The following ANKS6 variants were observed in gnomAD, a reference collection of about 807,000 sequenced individuals.
ANKS6 encodes ankyrin repeat and sterile alpha motif domain containing 6, also known as ankyrin repeat and SAM domain-containing protein 6.
In ANKS6, 47 loss-of-function variants were observed where a neutral mutation model predicts 77.9. The ratio of observed to expected loss-of-function variants is 0.60; its 90% CI spans 0.48 to 0.77. ANKS6 has a LOEUF of 0.77. ANKS6 is among the 30% of genes least tolerant of loss of function. The probability of loss-of-function intolerance (pLI) is 0.00; values close to 1 mark genes in which losing one functional copy is unlikely to be tolerated. For missense variants in ANKS6, 1,150 were observed against 1,159.1 expected, an observed-to-expected ratio of 0.99 and a Z score of 0.11; for synonymous variants, 488 against 501.7, an observed-to-expected ratio of 0.97 and a Z score of 0.37.
chr9:98,792,780 A>G (rs987466474), intron 1 of ANKS6, among the ~76,000 whole-genome samples: 1 of 152,232 alleles, frequency 6.6e-6, no homozygotes, highest in African/African-American at 2.4e-5. Context: ...TTTGAACGTG[A>G]TAGAGTCAAA....
chr9:98,787,156 T>G (rs1271544602), intron 2 of ANKS6, among the ~76,000 whole-genome samples: 1 of 152,172 alleles, frequency 6.6e-6, no homozygotes, highest in Non-Finnish European at 1.5e-5. Flanking sequence ...CAGTAAGAGC[T>G]GGGGCTCCTA....
chr9:98,761,182 T>C (rs1341401333), intron 11 of ANKS6, among the ~76,000 whole-genome samples: 11 of 152,252 alleles, frequency 7.2e-5, no homozygotes, highest in Non-Finnish European at 1.5e-4. Context: ...TATATTTTCT[T>C]TGATGAAGTA....
chr9:98,766,453 A>G (rs1833294883), intron 11 of ANKS6, among the ~76,000 whole-genome samples: 1 of 152,232 alleles, frequency 6.6e-6, no homozygotes. Flanking sequence ...TGAGTAGCTG[A>G]GTTTCCTAGT....
chr9:98,751,360 G>C (rs1350046211), intron 12 of ANKS6, among the ~76,000 whole-genome samples: 4 of 152,144 alleles, frequency 2.6e-5, no homozygotes, highest in Non-Finnish European at 5.9e-5. Context: ...GTCTGGGCCA[G>C]GACTGACTGA....
Position 98,732,911 on chromosome 9 carries a change from A to G in ANKS6, c.*3608T>C, listed in dbSNP as rs569724836. 105 of 1,081,444 alleles carry G rather than the reference A, an allele frequency of 9.7e-5. No homozygotes were observed. In the African/African-American group the frequency reaches 1.7e-3, roughly 18 times the overall value. 67.0% of individuals were successfully genotyped at this position (1,081,444 alleles called of 1,614,324 possible). A position where few individuals can be genotyped will look rare whatever the true frequency, so the allele number is the denominator to read the frequency against. The stretch of plus-strand genomic sequence containing the variant: ...TACACATTACGTGCTGCCTTTGCAC[A>G]TGCCCCAGCTGGAATGCCCTTTTTC... On this transcript the variant is annotated 3_prime_UTR_variant, in exon 15 of 15. Transcript: ENST00000353234.
Position 98,734,512 on chromosome 9 carries a change from C to T in ANKS6, c.*2007G>A, listed in dbSNP as rs1038626335. The T allele has an allele frequency of 5.1e-6, 5 of 985,280 alleles. No individual in the cohort carries two copies. The highest frequency in any genetic ancestry group is 6.0e-6 in the Non-Finnish European group (5 of 829,940). 61.0% of individuals were successfully genotyped at this position (985,280 alleles called of 1,614,324 possible). A position where few individuals can be genotyped will look rare whatever the true frequency, so the allele number is the denominator to read the frequency against. On this transcript the variant is annotated 3_prime_UTR_variant, in exon 15 of 15. Transcript: ENST00000353234. Reference sequence around the variant, plus strand: ...AAACAATTCTAGGCCTACTGTTAACCCCTGAAGCCATCAGTAAATTAAAAC... The same window carrying T: ...AAACAATTCTAGGCCTACTGTTAACTCCTGAAGCCATCAGTAAATTAAAAC...
At chr9:98,777,362 T>C (rs772823243) in intron 8 of ANKS6, 43 bp downstream of exon 8, 9 of 1,596,056 alleles carry the variant, frequency 5.6e-6, no homozygotes, top group East Asian at 4.5e-5. Context: ...CAACTGATGA[T>C]TGCCGGAGAC....
intron 7 of ANKS6, 123 bp downstream of exon 7, chr9:98,778,103 G>T: frequency 8.8e-7 from 1 of 1,140,700 alleles, no homozygotes; most frequent in Non-Finnish European, 1.2e-6. Context: ...CAGCCTCTAT[G>T]CTCCAGTGTC....
rs1479530456 is a variant in ANKS6 at position 98,734,694 on chromosome 9, A to C, written c.*1825T>G. ...CCCTCTCCTAAGCATCCGTTTCCCG[A>C]ATGTGCAAGATGAGGTTACACAATG... On this transcript the variant is annotated 3_prime_UTR_variant, in exon 15 of 15. Coordinates refer to ENST00000353234, the MANE Select transcript of ANKS6 (RefSeq NM_173551.5). 1.1e-6 allele frequency: 1 copy of C among 933,492 alleles called. No individual in the cohort carries two copies. Among genetic ancestry groups the C allele is most frequent in the Non-Finnish European group, 1.3e-6 (1 of 782,924 alleles). 57.8% of individuals were successfully genotyped at this position (933,492 alleles called of 1,614,324 possible). A position where few individuals can be genotyped will look rare whatever the true frequency, so the allele number is the denominator to read the frequency against.
rs1834832629 is a variant in ANKS6, at chr9:98,790,346, A to G, written c.620T>C (p.Val207Ala). The change falls in exon 2 of 15, where the codon GTG becomes GCG. Residue 207 changes from valine (V) to alanine (A), a missense_variant. Transcript: ENST00000353234. ...AAIQHGHEAVVRLLMEWGADP... is the reference protein window; with the variant it reads ...AAIQHGHEAVARLLMEWGADP... ...CGCGCCCCACTCCATCAGTAGACGCACCACGGCCTCGTGCCCGTGCTGGAT... is the reference window on the plus strand; with the variant it reads ...CGCGCCCCACTCCATCAGTAGACGCGCCACGGCCTCGTGCCCGTGCTGGAT... 2 of 1,612,872 alleles carry G rather than the reference A, an allele frequency of 1.2e-6. No homozygotes were observed. Among genetic ancestry groups the G allele is most frequent in the African/African-American group, 1.3e-5 (1 of 75,034 alleles).
chr9:98,737,464 A>G (rs1831562273), intron 14 of ANKS6, among the ~76,000 whole-genome samples: 2 of 152,078 alleles, frequency 1.3e-5, no homozygotes, highest in South Asian at 4.1e-4. Flanking sequence ...CAAGAACTCA[A>G]CCACTTCTAT....
At chr9:98,781,316 A>G (rs988498762) in intron 5 of ANKS6, among the ~76,000 whole-genome samples, 1 of 152,132 alleles carries the variant, frequency 6.6e-6, no homozygotes, top group Admixed American at 6.5e-5. Flanking sequence ...AGACTGTTTT[A>G]TTGGGAAAGG....
chr9:98,790,778 G>A (rs1040029087), intron 1 of ANKS6, among the ~76,000 whole-genome samples, 172 bp from the exon 2 acceptor site: 1 of 152,248 alleles, frequency 6.6e-6, no homozygotes, highest in Non-Finnish European at 1.5e-5. Context: ...TCATCATGAA[G>A]GTGAGCAGCT....
Position 98,784,012 on chromosome 9 carries a change from A to G in ANKS6, c.1053T>C (p.Asp351=), listed in dbSNP as rs1834421640. 5 of 1,610,800 alleles carry G rather than the reference A, an allele frequency of 3.1e-6. No homozygotes were observed. Among genetic ancestry groups the G allele is most frequent in the Admixed American group, 1.7e-5 (1 of 59,684 alleles). Residue 351 remains aspartate (D), a synonymous_variant, in exon 4 of 15, where the codon GAT becomes GAC. Coordinates refer to ENST00000353234, the MANE Select transcript of ANKS6 (RefSeq NM_173551.5). ...LVQLLVERHA[D]VDKQDSVHGW... ...CATGCACGCTGTCCTGCTTGTCAAC[A>G]TCCGCGTGCCTCTCCACCAGCAGCT...
At chr9:98,792,329 G>C (rs1834944141) in intron 1 of ANKS6, among the ~76,000 whole-genome samples, 1 of 151,996 alleles carries the variant, frequency 6.6e-6, no homozygotes, top group Non-Finnish European at 1.5e-5. Flanking sequence ...AATTCCACGG[G>C]CTCGCCTCTG....
chr9:98,742,845 G>T (rs73493908), intron 14 of ANKS6, among the ~76,000 whole-genome samples: 2 of 151,684 alleles, frequency 1.3e-5, no homozygotes, highest in Admixed American at 6.6e-5. Flanking sequence ...GGGAATGGGT[G>T]GGGGGGAGGG....
intron 13 of ANKS6, among the ~76,000 whole-genome samples, chr9:98,747,015 AG>A: frequency 6.6e-6 from 1 of 152,320 alleles, no homozygotes; most frequent in Admixed American, 6.5e-5. Context: ...GGACCTGGGC[AG>A]GTGCCTTACC....
chr9:98,754,718 C>G (rs1046109818), intron 12 of ANKS6, among the ~76,000 whole-genome samples: 1 of 152,010 alleles, frequency 6.6e-6, no homozygotes, highest in Non-Finnish European at 1.5e-5. Flanking sequence ...ACAAAGGGCT[C>G]GCTGCCTCAG....
At chr9:98,787,607 C>T (rs1588415220) in intron 2 of ANKS6, among the ~76,000 whole-genome samples, 1 of 152,180 alleles carries the variant, frequency 6.6e-6, no homozygotes, top group African/African-American at 2.4e-5. Flanking sequence ...TCAATCAAAA[C>T]ATAATAGTTT....
Sources: gnomAD v4.1 joint callset for allele counts (sites outside exome capture counted in the v4.1 genomes callset) on GRCh38, gnomAD v4.1.1 for gene constraint, MANE v1.5 for transcripts, NCBI Gene and HGNC (gene_info 2026-07-23, HGNC 2026-07-21) for gene names.